KLRD1: variants seen among roughly 807,000 people sequenced by gnomAD.
KLRD1 encodes the protein natural killer cells antigen CD94.
A neutral mutation model predicts 22.6 loss-of-function variants in KLRD1; 21 were observed. The observed-to-expected ratio is 0.93, with a 90% confidence interval of 0.66 to 1.34. The LOEUF is 1.34. KLRD1 is among the 40% of genes most tolerant of loss of function. The probability of loss-of-function intolerance (pLI) is 0.00; values close to 1 mark genes in which losing one functional copy is unlikely to be tolerated. For missense variants in KLRD1, 183 were observed against 208.6 expected, an observed-to-expected ratio of 0.88 and a Z score of 0.76; for synonymous variants, 59 against 71.1, an observed-to-expected ratio of 0.83 and a Z score of 0.85.
intron 1 of KLRD1, among the ~76,000 whole-genome samples, chr12:10,247,672 G>A (rs921680966): frequency 1.3e-5 from 2 of 152,158 alleles, no homozygotes; most frequent in African/African-American, 4.8e-5. Context: ...ATCCCCACAT[G>A]TCATGGGAGG....
At chr12:10,272,772 G>A (rs191328393) in intron 1 of KLRD1, among the ~76,000 whole-genome samples, 16 of 152,242 alleles carry the variant, frequency 1.1e-4, no homozygotes, top group East Asian at 3.9e-4. Flanking sequence ...TAAAGATAAT[G>A]TACTCTTACA....
intron 1 of KLRD1, among the ~76,000 whole-genome samples, chr12:10,271,092 T>G (rs1949545192): frequency 4.9e-5 from 3 of 61,670 alleles, no homozygotes; most frequent in African/African-American, 1.5e-4. Flanking sequence ...CTCCACTCCC[T>G]AATTGTTTTT....
intron 1 of KLRD1, among the ~76,000 whole-genome samples, chr12:10,241,877 G>A (rs1465411138): frequency 2.0e-5 from 3 of 151,992 alleles, no homozygotes; most frequent in Non-Finnish European, 4.4e-5. Flanking sequence ...CTCTTAACCC[G>A]TCAGTATGTA....
chr12:10,306,396 A>C (rs938058593), upstream of KLRD1, among the ~76,000 whole-genome samples: 1 of 152,134 alleles, frequency 6.6e-6, no homozygotes, highest in Non-Finnish European at 1.5e-5. Context: ...TGACTGATGG[A>C]CGTATTCTCA....
At chr12:10,287,987 G>A (rs1949724979) in intron 1 of KLRD1, among the ~76,000 whole-genome samples, 1 of 151,132 alleles carries the variant, frequency 6.6e-6, no homozygotes, top group Admixed American at 6.6e-5. Flanking sequence ...AGAATGGCGT[G>A]AACCTGGGAG....
At chr12:10,244,153 G>T (rs1565445326) in intron 1 of KLRD1, among the ~76,000 whole-genome samples, 1 of 152,066 alleles carries the variant, frequency 6.6e-6, no homozygotes, top group African/African-American at 2.4e-5. Context: ...TGGTTCTGAA[G>T]CCCCTTGCAA....
chr12:10,285,601 G>C (rs1489917079), intron 1 of KLRD1, among the ~76,000 whole-genome samples: 1 of 151,706 alleles, frequency 6.6e-6, no homozygotes, highest in Non-Finnish European at 1.5e-5. Context: ...CCTTAAAGTT[G>C]TTTTTTTTGT....
chr12:10,295,235 G>A (rs977941732), intron 1 of KLRD1, among the ~76,000 whole-genome samples: 4 of 152,010 alleles, frequency 2.6e-5, no homozygotes, highest in Non-Finnish European at 4.4e-5. Flanking sequence ...CCACGTATCT[G>A]TATTTTTCAA....
At chr12:10,261,012 C>T (rs1243412228) in intron 1 of KLRD1, among the ~76,000 whole-genome samples, 1 of 152,042 alleles carries the variant, frequency 6.6e-6, no homozygotes, top group Non-Finnish European at 1.5e-5. Context: ...GGAGCAATTG[C>T]CTTAGCAAAT....
chr12:10,328,217 G>C lies in KLRD1; in HGVS notation c.*13424G>C, dbSNP rs1426609942. The C allele has an allele frequency of 1.3e-5, 2 of 152,076 alleles. No homozygotes were observed. The highest frequency in any genetic ancestry group is 4.8e-5 in the African/African-American group (2 of 41,422). 9.4% of individuals were successfully genotyped at this position (152,076 alleles called of 1,614,324 possible). A position where few individuals can be genotyped will look rare whatever the true frequency, so the allele number is the denominator to read the frequency against. Reference sequence around the variant, plus strand: ...ATTCTTTTTAAATTTTTATATAATAGCTTGGGAAAGATGGCCATTAATTTC... The same window carrying C: ...ATTCTTTTTAAATTTTTATATAATACCTTGGGAAAGATGGCCATTAATTTC... On this transcript the variant is annotated 3_prime_UTR_variant, in exon 6 of 6. Transcript: ENST00000336164.
intron 1 of KLRD1, among the ~76,000 whole-genome samples, chr12:10,275,258 GTTT>G (rs1322018554): frequency 6.6e-6 from 1 of 152,060 alleles, no homozygotes; most frequent in African/African-American, 2.4e-5. Context: ...TGTGTGCTTA[GTTT>G]TTTATTTGTT....
intron 1 of KLRD1, among the ~76,000 whole-genome samples, chr12:10,259,381 A>G (rs535482514): frequency 6.6e-6 from 1 of 152,176 alleles, no homozygotes; most frequent in Non-Finnish European, 1.5e-5. Flanking sequence ...CATAATATTC[A>G]TCCTTGACTT....
intron 1 of KLRD1, among the ~76,000 whole-genome samples, chr12:10,253,538 T>C (rs1949364047): frequency 6.8e-6 from 1 of 148,134 alleles, no homozygotes; most frequent in East Asian, 2.0e-4. Flanking sequence ...CAGTACCCAA[T>C]AGATACCTTT....
chr12:10,264,631 A>G (rs920618400), intron 1 of KLRD1, among the ~76,000 whole-genome samples: 76 of 152,122 alleles, frequency 5.0e-4, no homozygotes, highest in African/African-American at 1.8e-3. Flanking sequence ...AGACCTGCAT[A>G]ATAATTCCCA....
rs1950370575 is a variant in KLRD1, at chr12:10,327,378, C to T, written c.*12585C>T. 6.6e-6 allele frequency: 1 copy of T among 152,092 alleles called. No individual in the cohort carries two copies. The highest frequency in any genetic ancestry group is 1.5e-5 in the Non-Finnish European group (1 of 67,992). 9.4% of individuals were successfully genotyped at this position (152,092 alleles called of 1,614,324 possible). On this transcript the variant is annotated 3_prime_UTR_variant, in exon 6 of 6. Coordinates refer to ENST00000336164, the MANE Select transcript of KLRD1 (RefSeq NM_002262.5). Reference sequence around the variant, plus strand: ...TCAAGATTTGTTTGGCTATTCAGGGCTTTTTGTGGTTCCATGTATATTTTA... The same window carrying T: ...TCAAGATTTGTTTGGCTATTCAGGGTTTTTTGTGGTTCCATGTATATTTTA...
Position 10,255,075 on chromosome 12 carries a change from T to C in KLRD1, c.-101+28842T>C, listed in dbSNP as rs960997693. Among the ~76,000 whole-genome samples, 2 of 132,470 alleles carry C rather than the reference T, an allele frequency of 1.5e-5. 1 individual carries two copies. Among genetic ancestry groups the C allele is most frequent in the Non-Finnish European group, 3.3e-5 (2 of 60,396 alleles). The allele number at this position is 132,470 out of a possible 152,430, so 86.9% of individuals were successfully genotyped here. ...CTCACATCAGTCAGAATGCCTATTA[T>C]TAAAAAGTCAAAAAATAATAGATGC... is the stretch of plus-strand genomic sequence containing the variant. On this transcript the variant is annotated intron_variant, in intron 1 of 5. Transcript: ENST00000544747.
At chr12:10,256,531 A>C (rs2137625639) in intron 1 of KLRD1, among the ~76,000 whole-genome samples, 1 of 151,206 alleles carries the variant, frequency 6.6e-6, no homozygotes, top group East Asian at 1.9e-4. Flanking sequence ...AATATTTAAA[A>C]TTTTTAACAA....
At chr12:10,308,653 A>G (rs570635729) in intron 1 of KLRD1, 9 of 153,852 alleles carry the variant, frequency 5.8e-5, no homozygotes, top group African/African-American at 2.2e-4. Flanking sequence ...TGTATGTTCA[A>G]TATACTGTGA....
rs368996091 is a variant in KLRD1 at position 10,270,242 on chromosome 12, TTAAAA to T, written c.-100-37732_-100-37728del. 1.8e-3 allele frequency among the ~76,000 whole-genome samples: 277 copies of T among 152,276 alleles called. 1 individual carries two copies. Among genetic ancestry groups the T allele is most frequent in the Non-Finnish European group, 2.8e-3 (188 of 68,020 alleles). ...AATTGATAAAATTACTTGTATATAA[TTAAAA>T]TAACAAATGAGAAAAATATCTTGAT... is the stretch of plus-strand genomic sequence containing the variant. On this transcript the variant is annotated intron_variant, in intron 1 of 5. Coordinates refer to the KLRD1 transcript ENST00000544747.
Sources: allele counts gnomAD v4.1 joint callset (sites outside exome capture counted in the v4.1 genomes callset), GRCh38; gene constraint gnomAD v4.1.1; transcripts MANE v1.5; gene names NCBI Gene and HGNC (gene_info 2026-07-23, HGNC 2026-07-21).